The following ESCO1 variants were observed in gnomAD, a reference collection of about 807,000 sequenced individuals.
ESCO1 encodes the protein establishment of sister chromatid cohesion N-acetyltransferase 1.
A neutral mutation model predicts 83.5 loss-of-function variants in ESCO1; 33 were observed. The observed-to-expected ratio is 0.40, with a 90% confidence interval of 0.30 to 0.53. The LOEUF is 0.53. Among genes scored for constraint, ESCO1 ranks in the 20% least tolerant of loss-of-function variants. The pLI is 0.63. For missense variants in ESCO1, 855 were observed against 968.0 expected (o/e 0.88, Z 1.55); for synonymous variants, 332 against 324.3 (o/e 1.02, Z -0.25).
At chr18:21,534,827 T>C (rs1363037612) in intron 10 of ESCO1, among the ~76,000 whole-genome samples, 4 of 152,032 alleles carry the variant, frequency 2.6e-5, no homozygotes, top group African/African-American at 9.7e-5. Flanking sequence ...GGTTTCACCA[T>C]GTTGGCCAGG....
At chr18:21,543,962 A>T (rs2037938829) in intron 8 of ESCO1, among the ~76,000 whole-genome samples, 1 of 152,220 alleles carries the variant, frequency 6.6e-6, no homozygotes, top group African/African-American at 2.4e-5. Context: ...TCTTTAAGGT[A>T]CTTTTATGTT....
rs1384003237 is a variant in ESCO1 at position 21,573,718 on chromosome 18, A to G, written c.1126T>C (p.Cys376Arg). 1.2e-6 allele frequency: 2 copies of G among 1,613,994 alleles called. No individual in the cohort carries two copies. Among genetic ancestry groups the G allele is most frequent in the African/African-American group, 1.3e-5 (1 of 74,914 alleles). ...FPSRKTKPVK[C>R]ILNGINSSAK... ...GAGCTGTTTATTCCATTTAGTATAC[A>G]TTTCACAGGCTTTGTTTTTCTACTT... Residue 376 changes from cysteine (C) to arginine (R), a missense_variant, in exon 4 of 12, where the codon TGT becomes CGT. Cys to Arg is a radical substitution (Grantham distance 180). This residue lies in a region of ESCO1 where 726 missense variants were observed against 699.5 expected (regional missense o/e 1.04). Coordinates refer to ENST00000269214, the MANE Select transcript of ESCO1 (RefSeq NM_052911.3).
chr18:21,589,182 T>C (rs1050515859), intron 1 of ESCO1, among the ~76,000 whole-genome samples: 4 of 149,988 alleles, frequency 2.7e-5, no homozygotes, highest in African/African-American at 9.9e-5. Context: ...GAGGATACAG[T>C]GAGCCAAGAT....
At chr18:21,598,589 C>T (rs1334726652) in intron 1 of ESCO1, among the ~76,000 whole-genome samples, 1 of 152,066 alleles carries the variant, frequency 6.6e-6, no homozygotes, top group Admixed American at 6.6e-5. Context: ...GTAATCCCAG[C>T]TACTCGGGAG....
chr18:21,557,863 T>G (rs1011182426), intron 8 of ESCO1, among the ~76,000 whole-genome samples: 1 of 152,208 alleles, frequency 6.6e-6, no homozygotes, highest in African/African-American at 2.4e-5. Context: ...TAGGGAACAG[T>G]ACCTTAGTTC....
At chr18:21,563,678 T>C (rs1027685559) in intron 7 of ESCO1, among the ~76,000 whole-genome samples, 1 of 152,224 alleles carries the variant, frequency 6.6e-6, no homozygotes, top group African/African-American at 2.4e-5. Context: ...AAATTTATTA[T>C]GACAAAAAGG....
intron 2 of ESCO1, among the ~76,000 whole-genome samples, chr18:21,579,794 G>GCGCGCGCACA (rs1192534759): frequency 3.2e-4 from 12 of 37,124 alleles, no homozygotes; most frequent in African/African-American, 6.3e-4. Context: ...ACGCGCGCGC[G>GCGCGCGCACA]CACACACACA....
intron 10 of ESCO1, among the ~76,000 whole-genome samples, chr18:21,532,881 C>A (rs1416213500): frequency 1.3e-5 from 2 of 152,182 alleles, no homozygotes; most frequent in Admixed American, 1.3e-4. Context: ...ATTTCTCTAA[C>A]CTTTGGGTTC....
intron 11 of ESCO1, among the ~76,000 whole-genome samples, chr18:21,531,169 C>G (rs1196904804): frequency 6.6e-6 from 1 of 152,174 alleles, no homozygotes; most frequent in East Asian, 1.9e-4. Context: ...TTGCCAGGCA[C>G]AGTGTCTCAC....
chr18:21,590,818 C>T (rs528325397), intron 1 of ESCO1, among the ~76,000 whole-genome samples: 6 of 151,816 alleles, frequency 4.0e-5, no homozygotes, highest in South Asian at 2.1e-4. Flanking sequence ...CGTGGTGGCA[C>T]GTGCCTATAG....
At chr18:21,546,829 G>C (rs904997876) in intron 8 of ESCO1, among the ~76,000 whole-genome samples, 5 of 152,176 alleles carry the variant, frequency 3.3e-5, no homozygotes, top group African/African-American at 1.2e-4. Flanking sequence ...TTAAAGGTGT[G>C]AGCCACCGTG....
chr18:21,539,881 ATAT>A, intron 9 of ESCO1, 36 bp downstream of exon 9: 1 of 1,527,554 alleles, frequency 6.5e-7, no homozygotes, highest in Non-Finnish European at 9.0e-7. Flanking sequence ...CTGCAAAATG[ATAT>A]TATCCACTCT....
chr18:21,580,280 A>T (rs1568110198), intron 2 of ESCO1, among the ~76,000 whole-genome samples: 1 of 152,102 alleles, frequency 6.6e-6, no homozygotes, highest in African/African-American at 2.4e-5. Flanking sequence ...AACCTATCAT[A>T]AGGATAAAAA....
chr18:21,557,318 AG>A (rs1321896622), intron 8 of ESCO1, among the ~76,000 whole-genome samples: 2 of 152,208 alleles, frequency 1.3e-5, no homozygotes, highest in East Asian at 1.9e-4. Flanking sequence ...TTCAATAAAA[AG>A]GATCTACTCA....
intron 2 of ESCO1, among the ~76,000 whole-genome samples, chr18:21,584,081 C>A (rs1041240697): frequency 1.3e-5 from 2 of 152,120 alleles, no homozygotes; most frequent in African/African-American, 4.8e-5. Flanking sequence ...GAGACACTAA[C>A]TAATAATAGT....
intron 1 of ESCO1, among the ~76,000 whole-genome samples, chr18:21,588,081 C>G (rs2038607420): frequency 6.7e-6 from 1 of 149,036 alleles, no homozygotes; most frequent in Admixed American, 6.7e-5. Context: ...GCCCGGGCAA[C>G]CCAGCAAGGA....
At chr18:21,565,733 T>C (rs765520188) in intron 6 of ESCO1, among the ~76,000 whole-genome samples, 7 of 152,102 alleles carry the variant, frequency 4.6e-5, no homozygotes, top group Non-Finnish European at 8.8e-5. Context: ...GGCCAGGAGT[T>C]CGAGACCAGC....
At chr18:21,588,960 G>A (rs921867666) in intron 1 of ESCO1, among the ~76,000 whole-genome samples, 2 of 151,956 alleles carry the variant, frequency 1.3e-5, no homozygotes, top group Non-Finnish European at 1.5e-5. Flanking sequence ...AGATAACATC[G>A]GCTGGGCGCG....
intron 7 of ESCO1, among the ~76,000 whole-genome samples, chr18:21,563,919 T>TA (rs11453582): frequency 0.48 from 68,435 of 142,286 alleles, 19,184 homozygotes; most frequent in Non-Finnish European, 0.64. Context: ...TGAGCAGGGT[T>TA]AAAAAAAAAA....
Sources: allele counts gnomAD v4.1 joint callset (sites outside exome capture counted in the v4.1 genomes callset), GRCh38; gene constraint gnomAD v4.1.1; regional missense constraint gnomAD v4.1.1; transcripts MANE v1.5; gene names NCBI Gene and HGNC (gene_info 2026-07-23, HGNC 2026-07-21).